The following RNF130 variants were observed in gnomAD, a reference collection of about 807,000 sequenced individuals.
RNF130 encodes the protein ring finger protein 130, also known as E3 ubiquitin-protein ligase RNF130.
In RNF130, 21 loss-of-function variants were observed where a neutral mutation model predicts 44.6. The observed-to-expected ratio is 0.47, with a 90% CI of 0.33 to 0.68. The LOEUF is 0.68. Ranked by LOEUF, RNF130 falls within the 30% of genes least tolerant of loss-of-function variation. The pLI, the probability that RNF130 is intolerant of heterozygous loss-of-function variation, is 0.02. For synonymous variants in RNF130, 214 were observed against 210.4 expected, an observed-to-expected ratio of 1.02 and a Z score of -0.15; for missense variants, 479 against 560.6, an observed-to-expected ratio of 0.85 and a Z score of 1.47.
intron 1 of RNF130, among the ~76,000 whole-genome samples, chr5:180,044,691 G>C (rs76107111): frequency 6.6e-6 from 1 of 152,124 alleles, no homozygotes; most frequent in Non-Finnish European, 1.5e-5. Context: ...AATTAGCTGG[G>C]CATGGTGGTG....
intron 3 of RNF130, among the ~76,000 whole-genome samples, chr5:179,986,457 T>G (rs1201914244): frequency 6.6e-6 from 1 of 152,240 alleles, no homozygotes; most frequent in Non-Finnish European, 1.5e-5. Context: ...GATACTGCAC[T>G]AAACACATTG....
rs987819486 is a variant in RNF130 at position 179,977,861 on chromosome 5, T to A, written c.848+342A>T. On this transcript the variant is annotated intron_variant, in intron 5 of 8. Transcript: ENST00000521389. The surrounding 1 kb of genome is among the most constrained non-coding windows in gnomAD (Gnocchi z 4.1). ...CAGAGCGAGACTCCGTCTCAAAAAA[T>A]AAATAAATAAATAAATAAAAGAAAA... is the stretch of plus-strand genomic sequence containing the variant. Among the ~76,000 whole-genome samples the A allele has an allele frequency of 1.2e-4, 18 of 152,000 alleles. No homozygotes were observed. The highest frequency in any genetic ancestry group is 7.2e-4 in the Admixed American group (11 of 15,274).
chr5:179,967,133 T>A (rs1762469319), intron 6 of RNF130, 123 bp from the exon 7 acceptor site: 1 of 786,046 alleles, frequency 1.3e-6, no homozygotes, highest in Admixed American at 2.6e-5. Flanking sequence ...TTTCCTGTGA[T>A]GTCCTCTCAT....
At chr5:179,958,032 T>C (rs951022093) in intron 8 of RNF130, among the ~76,000 whole-genome samples, 86 of 151,802 alleles carry the variant, frequency 5.7e-4, no homozygotes, top group African/African-American at 1.7e-3. Flanking sequence ...CGCCCGCCAC[T>C]ACGCCCGGCT....
chr5:180,068,130 A>G (rs548738543), intron 1 of RNF130, among the ~76,000 whole-genome samples: 1 of 152,358 alleles, frequency 6.6e-6, no homozygotes, highest in South Asian at 2.1e-4. Context: ...ACATCTGCAT[A>G]CATAATCACA....
At position 179,988,194 on chromosome 5, in the gene RNF130, T is replaced by C. The variant is rs1418669583; in HGVS notation, c.694-7994A>G. Among the ~76,000 whole-genome samples, 10 of 152,364 alleles carry C rather than the reference T, an allele frequency of 6.6e-5. No individual in the cohort carries two copies. In the South Asian group the frequency reaches 1.9e-3, roughly 28 times the overall value. ...TAGGTTGTATGTGGCTAGGAATGTA[T>C]CCATTTTCTCTAGGTTTTCCAGTAT... On this transcript the variant is annotated intron_variant, in intron 3 of 8. Transcript: ENST00000521389.
downstream of RNF130, among the ~76,000 whole-genome samples, chr5:179,954,818 G>A (rs1381434774): frequency 1.3e-5 from 2 of 152,216 alleles, no homozygotes; most frequent in African/African-American, 4.8e-5. Context: ...CCTCAGGTAA[G>A]CTGAGGTAGA....
chr5:179,940,802 TTC>T (rs2113682536), intron 7 of RNF130, among the ~76,000 whole-genome samples: 1 of 152,040 alleles, frequency 6.6e-6, no homozygotes, highest in East Asian at 1.9e-4. Context: ...TTCTGCCCCA[TTC>T]TCTGTCTTCT....
chr5:180,007,424 T>C (rs1195394186), intron 3 of RNF130, among the ~76,000 whole-genome samples: 2 of 152,140 alleles, frequency 1.3e-5, no homozygotes, highest in Admixed American at 1.3e-4. Flanking sequence ...AAAAACAGTT[T>C]GTGAGAGAAA....
chr5:180,067,487 G>A (rs1311879326), intron 1 of RNF130, among the ~76,000 whole-genome samples: 1 of 152,104 alleles, frequency 6.6e-6, no homozygotes. Context: ...AGAGAAATGG[G>A]GTGGTAGCAG....
chr5:179,968,153 G>A (rs982562115), intron 6 of RNF130, among the ~76,000 whole-genome samples: 2 of 152,020 alleles, frequency 1.3e-5, no homozygotes, highest in African/African-American at 4.8e-5. Context: ...ACATTAGCCG[G>A]GCATGGTGGC....
At chr5:180,031,188 T>TA (rs1479686333) in intron 2 of RNF130, among the ~76,000 whole-genome samples, 3 of 152,276 alleles carry the variant, frequency 2.0e-5, no homozygotes, top group Middle Eastern at 3.4e-3. Flanking sequence ...CAGCAAGCTA[T>TA]TAGTAATTAA....
chr5:180,069,886 T>C (rs1353395620), intron 1 of RNF130, among the ~76,000 whole-genome samples: 2 of 152,152 alleles, frequency 1.3e-5, no homozygotes, highest in Non-Finnish European at 2.9e-5. Context: ...ACAAGCTTTC[T>C]CAAAGACGGG....
rs930252908 is a variant in RNF130 at position 179,968,119 on chromosome 5, C to A, written c.946-1109G>T. Among the ~76,000 whole-genome samples, 4 of 151,204 alleles carry A rather than the reference C, an allele frequency of 2.6e-5. No homozygotes were observed. In the South Asian group the frequency reaches 8.4e-4, roughly 32 times the overall value. On this transcript the variant is annotated intron_variant, in intron 6 of 8. Transcript: ENST00000521389. ...GACCATCCTGGCTAACACGGTGAAA[C>A]CCCGTCTCTACTAACAATACAAAAC...
At chr5:179,966,701 C>T (rs1215356658) in intron 7 of RNF130, 105 bp downstream of exon 7, 5 of 914,532 alleles carry the variant, frequency 5.5e-6, no homozygotes, top group South Asian at 3.1e-5. Context: ...TTCTTGGTTA[C>T]AGTCTGTGTT....
In RNF130 at chr5:180,071,516, G is replaced by A; in HGVS notation, c.187C>T (p.Leu63Phe). The change falls in exon 1 of 9, where the codon CTT becomes TTT. Residue 63 changes from leucine to phenylalanine, a missense_variant. Coordinates refer to ENST00000521389, the MANE Select transcript of RNF130 (RefSeq NM_018434.6). ...TFRIDRGRYG[L>F]DSPKAEVRGQ... is the part of the protein sequence containing the mutation. ...CGGACCTCGGCCTTGGGGGAGTCAA[G>A]CCCGTAGCGCCCGCGGTCGATGCGA... The A allele has an allele frequency of 2.2e-6, 3 of 1,353,770 alleles. No homozygotes were observed. Among genetic ancestry groups the A allele is most frequent in the South Asian group, 2.0e-5 (1 of 49,396 alleles). The allele number at this position is 1,353,770 out of a possible 1,614,324, so 83.9% of individuals were successfully genotyped here. A position where few individuals can be genotyped will look rare whatever the true frequency, so the allele number is the denominator to read the frequency against.
chr5:179,961,578 T>A (rs1450736430), intron 8 of RNF130, among the ~76,000 whole-genome samples: 1 of 152,232 alleles, frequency 6.6e-6, no homozygotes, highest in Non-Finnish European at 1.5e-5. Context: ...CAGGTGACTA[T>A]TAAACTACCC....
At chr5:179,932,510 T>A (rs1761823543) in intron 7 of RNF130, among the ~76,000 whole-genome samples, 1 of 150,932 alleles carries the variant, frequency 6.6e-6, no homozygotes, top group South Asian at 2.2e-4. Context: ...TCCGCCCGCC[T>A]CAGCCTTCCA....
chr5:180,056,825 A>G (rs1764834936), intron 1 of RNF130, among the ~76,000 whole-genome samples: 1 of 152,236 alleles, frequency 6.6e-6, no homozygotes, highest in Non-Finnish European at 1.5e-5. Flanking sequence ...CCACATATTC[A>G]TAAAGCAGAT....
Sources: gnomAD v4.1 joint callset for allele counts (sites outside exome capture counted in the v4.1 genomes callset) on GRCh38, gnomAD v4.1.1 for gene constraint, Gnocchi (gnomAD v3.1) non-coding constraint, MANE v1.5 for transcripts, NCBI Gene and HGNC (gene_info 2026-07-23, HGNC 2026-07-21) for gene names.